Variants in GSG1L observed in about 807,000 individuals in gnomAD.
GSG1L encodes GSG1 like.
A neutral mutation model predicts 42.1 loss-of-function variants in GSG1L; 24 were observed. That is an observed-to-expected ratio of 0.57 (90% CI 0.41 to 0.80). The LOEUF is 0.80. Ranked by LOEUF, GSG1L falls within the 30% of genes least tolerant of loss-of-function variation. The pLI is 0.00. For synonymous variants in GSG1L, 215 were observed against 203.5 expected (o/e 1.06, Z -0.48); for missense variants, 445 against 472.2 (o/e 0.94, Z 0.53).
intron 2 of GSG1L, among the ~76,000 whole-genome samples, chr16:27,942,863 T>C (rs1282107354): frequency 6.6e-6 from 1 of 152,168 alleles, no homozygotes; most frequent in Admixed American, 6.5e-5. Context: ...GAAAACTTAA[T>C]AATGTTGAAG....
intron 5 of GSG1L, among the ~76,000 whole-genome samples, chr16:27,827,207 G>A (rs1442089708): frequency 6.6e-6 from 1 of 152,220 alleles, no homozygotes; most frequent in Non-Finnish European, 1.5e-5. Flanking sequence ...AGTTATGATG[G>A]TTGACTCTGA....
intron 2 of GSG1L, among the ~76,000 whole-genome samples, chr16:27,955,874 T>A (rs2084995659): frequency 1.1e-5 from 1 of 95,078 alleles, no homozygotes; most frequent in African/African-American, 3.8e-5. Flanking sequence ...AAAGACTCCA[T>A]AAGAGAAGAG....
chr16:27,959,750 A>G (rs932298514), intron 2 of GSG1L, among the ~76,000 whole-genome samples: 2 of 152,080 alleles, frequency 1.3e-5, no homozygotes, highest in Non-Finnish European at 2.9e-5. Flanking sequence ...CCACTGCACT[A>G]CAGATTGGGC....
intron 4 of GSG1L, among the ~76,000 whole-genome samples, chr16:27,836,763 A>C (rs923604295): frequency 6.6e-6 from 1 of 152,176 alleles, no homozygotes; most frequent in Non-Finnish European, 1.5e-5. Flanking sequence ...GGTGTTTGCA[A>C]CTGCTTGTTG....
chr16:27,836,621 C>T (rs1240685788), intron 4 of GSG1L, among the ~76,000 whole-genome samples: 1 of 152,028 alleles, frequency 6.6e-6, no homozygotes, highest in Non-Finnish European at 1.5e-5. Flanking sequence ...TTTCCTTTGT[C>T]CCTTCCATTC....
chr16:27,998,846 A>G (rs1292422246), intron 1 of GSG1L, among the ~76,000 whole-genome samples: 1 of 151,828 alleles, frequency 6.6e-6, no homozygotes, highest in Non-Finnish European at 1.5e-5. Context: ...ACTCTGAACC[A>G]GTCCCTCCAC....
chr16:27,943,467 C>T (rs1031540816), intron 2 of GSG1L, among the ~76,000 whole-genome samples: 7 of 150,810 alleles, frequency 4.6e-5, no homozygotes, highest in Admixed American at 6.6e-5. Context: ...CAAAAAAGTA[C>T]ACTGATCACA....
chr16:27,824,980 C>G (rs951337317), intron 5 of GSG1L, among the ~76,000 whole-genome samples: 6 of 152,258 alleles, frequency 3.9e-5, no homozygotes, highest in Non-Finnish European at 7.3e-5. Flanking sequence ...TGCCACCATC[C>G]ACAGCCTGGG....
chr16:28,043,742 C>T (rs931776205), intron 1 of GSG1L, among the ~76,000 whole-genome samples: 1 of 152,246 alleles, frequency 6.6e-6, no homozygotes, highest in African/African-American at 2.4e-5. Context: ...ACGGTTTGGG[C>T]CGGGTGTGGT....
intron 1 of GSG1L, among the ~76,000 whole-genome samples, chr16:27,970,644 C>T (rs945848543): frequency 1.3e-5 from 2 of 151,656 alleles, no homozygotes; most frequent in East Asian, 4.0e-4. Context: ...TCAAGTGATC[C>T]TCCTGCCTCA....
chr16:27,876,168 G>T (rs2083884735), intron 3 of GSG1L, among the ~76,000 whole-genome samples: 1 of 152,190 alleles, frequency 6.6e-6, no homozygotes, highest in Non-Finnish European at 1.5e-5. Context: ...CTATGAGCAA[G>T]AAACCAAGTC....
chr16:27,862,675 C>A lies in GSG1L; in HGVS notation c.551-17614G>T, dbSNP rs150025396. On this transcript the variant is annotated intron_variant, in intron 3 of 6. Transcript: ENST00000447459. ...TGCTGGGGGAGCCATGCCCATGGCCCAAACCAGGCCATGCATTTGGTCTTG... is the reference window on the plus strand; with the variant it reads ...TGCTGGGGGAGCCATGCCCATGGCCAAAACCAGGCCATGCATTTGGTCTTG... Among the ~76,000 whole-genome samples, 111 of 152,308 alleles carry A rather than the reference C, an allele frequency of 7.3e-4. No individual in the cohort carries two copies. The East Asian group carries it at 0.018, about 25-fold the overall frequency.
chr16:28,061,804 C>A (rs1002870818), intron 1 of GSG1L, among the ~76,000 whole-genome samples: 13 of 152,206 alleles, frequency 8.5e-5, no homozygotes, highest in African/African-American at 3.1e-4. Context: ...TCCTCAGTAT[C>A]CTGACATGGA....
At chr16:27,867,478 G>A (rs895896001) in intron 3 of GSG1L, among the ~76,000 whole-genome samples, 3 of 152,214 alleles carry the variant, frequency 2.0e-5, no homozygotes, top group African/African-American at 7.2e-5. Flanking sequence ...GCAGATCAGT[G>A]AGCGCTGCCC....
rs140193463 is a variant in GSG1L, at chr16:28,018,884, G to A, written c.349+44192C>T. On this transcript the variant is annotated intron_variant, in intron 1 of 6. Transcript: ENST00000447459. ...GCCTTTGATCCCCAAGCCCAGCTGC[G>A]ACCTGCACAGAGTGAAACACTTCAT... is the stretch of plus-strand genomic sequence containing the variant. 4.0e-3 allele frequency among the ~76,000 whole-genome samples: 610 copies of A among 152,228 alleles called. 3 individuals are homozygous for A. The highest frequency in any genetic ancestry group is 0.012 in the African/African-American group (492 of 41,528).
intron 3 of GSG1L, among the ~76,000 whole-genome samples, chr16:27,877,296 A>G (rs1055731624): frequency 2.0e-5 from 3 of 152,164 alleles, no homozygotes; most frequent in Non-Finnish European, 2.9e-5. Context: ...TCAGGGCCAC[A>G]TTATGACTTT....
intron 1 of GSG1L, among the ~76,000 whole-genome samples, chr16:27,978,386 C>A (rs2085274349): frequency 6.6e-6 from 1 of 152,172 alleles, no homozygotes; most frequent in Non-Finnish European, 1.5e-5. Flanking sequence ...TTCCCGCAGA[C>A]CTGAATTCAA....
chr16:27,834,692 C>G (rs1411980275), intron 4 of GSG1L, among the ~76,000 whole-genome samples: 1 of 152,112 alleles, frequency 6.6e-6, no homozygotes, highest in African/African-American at 2.4e-5. Flanking sequence ...TCCAGGCTGT[C>G]AAAGTTATGT....
intron 2 of GSG1L, among the ~76,000 whole-genome samples, chr16:27,957,975 C>T (rs1431401451): frequency 6.6e-6 from 1 of 152,144 alleles, no homozygotes; most frequent in Non-Finnish European, 1.5e-5. Context: ...AGAATTCACG[C>T]ATTACCAAGG....
Sources: allele counts gnomAD v4.1 joint callset (sites outside exome capture counted in the v4.1 genomes callset), GRCh38; gene constraint gnomAD v4.1.1; transcripts MANE v1.5; gene names NCBI Gene and HGNC (gene_info 2026-07-23, HGNC 2026-07-21).